Variants in MALRD1 observed in about 807,000 individuals in gnomAD.
The protein encoded by MALRD1 is MAM and LDL receptor class A domain containing 1, also known as MAM and LDL-receptor class A domain-containing protein 1.
MALRD1 carries 247 observed loss-of-function variants against 242.1 expected under a neutral mutation model. That is an observed-to-expected ratio of 1.02 (90% CI 0.92 to 1.13). MALRD1 has a LOEUF of 1.13. Among genes scored for constraint, MALRD1 ranks in the 50% most tolerant of loss-of-function variants. The probability of loss-of-function intolerance (pLI) is 0.00; values close to 1 mark genes in which losing one functional copy is unlikely to be tolerated. For missense variants in MALRD1, 2,989 were observed against 2,533.1 expected, an observed-to-expected ratio of 1.18 and a Z score of -3.86; for synonymous variants, 995 against 866.6, an observed-to-expected ratio of 1.15 and a Z score of -2.60.
intron 2 of MALRD1, among the ~76,000 whole-genome samples, chr10:19,082,577 A>C (rs548169317): frequency 6.6e-6 from 1 of 151,870 alleles, no homozygotes; most frequent in South Asian, 2.1e-4. Flanking sequence ...GGTCTTTCTC[A>C]GAGACATTGT....
intron 31 of MALRD1, among the ~76,000 whole-genome samples, chr10:19,504,923 CCA>C (rs1838139501): frequency 6.6e-6 from 1 of 151,236 alleles, no homozygotes; most frequent in Admixed American, 6.6e-5. Flanking sequence ...ACCTCATGAT[CCA>C]CCCGCCTCGG....
At chr10:19,341,524 GTATA>G (rs750457234) in intron 24 of MALRD1, among the ~76,000 whole-genome samples, 4 of 138,856 alleles carry the variant, frequency 2.9e-5, no homozygotes, top group African/African-American at 8.1e-5. Flanking sequence ...GTGTATATAT[GTATA>G]TATATACACA....
chr10:19,559,072 A>G (rs1835848605), intron 32 of MALRD1, among the ~76,000 whole-genome samples: 1 of 151,770 alleles, frequency 6.6e-6, no homozygotes, highest in Non-Finnish European at 1.5e-5. Flanking sequence ...GATCCCAGTT[A>G]CTCAGGAGGC....
chr10:19,566,236 C>G (rs1311831575), intron 32 of MALRD1, among the ~76,000 whole-genome samples: 5 of 151,456 alleles, frequency 3.3e-5, no homozygotes, highest in African/African-American at 4.8e-5. Flanking sequence ...TCACGCCATT[C>G]TTCTGCCTCA....
intron 5 of MALRD1, among the ~76,000 whole-genome samples, chr10:19,121,447 G>T (rs1349827180): frequency 6.6e-6 from 1 of 152,204 alleles, no homozygotes; most frequent in Non-Finnish European, 1.5e-5. Context: ...GAGAGAATAG[G>T]AGGGGAAAGA....
chr10:19,095,303 C>T (rs10826935), intron 4 of MALRD1, among the ~76,000 whole-genome samples: 66,043 of 151,936 alleles, frequency 0.43, 14,647 homozygotes, highest in Admixed American at 0.52. Flanking sequence ...TTGGAATTTT[C>T]AGGCTTCAAT....
At chr10:19,436,103 C>T (rs958756574) in intron 28 of MALRD1, among the ~76,000 whole-genome samples, 1 of 152,040 alleles carries the variant, frequency 6.6e-6, no homozygotes, top group African/African-American at 2.4e-5. Flanking sequence ...TGACTTCAGC[C>T]CTACAAGATG....
chr10:19,144,569 C>T (rs1588610238), intron 10 of MALRD1, among the ~76,000 whole-genome samples: 1 of 152,276 alleles, frequency 6.6e-6, no homozygotes, highest in Middle Eastern at 3.4e-3. Context: ...ATATAGTGAG[C>T]TTATTTGATA....
intron 14 of MALRD1, among the ~76,000 whole-genome samples, chr10:19,201,434 G>A (rs947009772): frequency 2.0e-5 from 3 of 152,142 alleles, no homozygotes; most frequent in Non-Finnish European, 4.4e-5. Flanking sequence ...TATTTCTATA[G>A]CAATATCTCC....
intron 29 of MALRD1, among the ~76,000 whole-genome samples, chr10:19,485,566 C>G (rs1425191009): frequency 1.3e-5 from 2 of 151,394 alleles, no homozygotes; most frequent in Non-Finnish European, 2.9e-5. Flanking sequence ...TGGCATGAAC[C>G]AAGGAGGCGG....
At chr10:19,262,716 C>A (rs1839807488) in intron 19 of MALRD1, among the ~76,000 whole-genome samples, 1 of 150,138 alleles carries the variant, frequency 6.7e-6, no homozygotes. Flanking sequence ...TGTACAATAT[C>A]TTGCTGCTGA....
chr10:19,587,889 T>C (rs1837520705), intron 33 of MALRD1, among the ~76,000 whole-genome samples: 2 of 148,258 alleles, frequency 1.3e-5, no homozygotes, highest in Non-Finnish European at 3.0e-5. Context: ...AAATGCCAGT[T>C]CCTAAATTCC....
At chr10:19,239,090 G>A (rs368157006) in intron 18 of MALRD1, among the ~76,000 whole-genome samples, 20 of 147,594 alleles carry the variant, frequency 1.4e-4, no homozygotes, top group East Asian at 4.0e-4. Context: ...AAGGAGTCTT[G>A]CTCTGTTGCC....
chr10:19,489,159 C>A, intron 29 of MALRD1: 1 of 469,444 alleles, frequency 2.1e-6, no homozygotes, highest in South Asian at 1.5e-5. Flanking sequence ...AACAGGAGGT[C>A]AGCGCTGTTG....
At chr10:19,375,085 G>T (rs932320696) in intron 26 of MALRD1, among the ~76,000 whole-genome samples, 1 of 152,032 alleles carries the variant, frequency 6.6e-6, no homozygotes, top group Non-Finnish European at 1.5e-5. Flanking sequence ...GCTTTTTATT[G>T]ACCGGAGGGA....
At chr10:19,163,765 A>G (rs1193682264) in intron 12 of MALRD1, among the ~76,000 whole-genome samples, 1 of 152,218 alleles carries the variant, frequency 6.6e-6, no homozygotes, top group East Asian at 1.9e-4. Context: ...ATTCCTTGGT[A>G]TTTAATAACT....
Position 19,324,002 on chromosome 10 carries a change from G to A in MALRD1, c.3473G>A (p.Gly1158Asp). ...GCTGACAGTTCTAATGGGAAATTTG[G>A]TGACACGGCTGACATTCTCACTCCT... ...LYADSSNGKF[G>D]DTADILTPII... The change falls in exon 22 of 40, where the codon GGT becomes GAT. Residue 1158 changes from glycine to aspartate, a missense_variant. Physicochemically the swap from Gly to Asp is moderately conservative, Grantham distance 94. Coordinates refer to ENST00000454679, the MANE Select transcript of MALRD1 (RefSeq NM_001142308.3). The A allele has an allele frequency of 6.4e-7, 1 of 1,550,818 alleles. No individual in the cohort carries two copies. Among genetic ancestry groups the A allele is most frequent in the Non-Finnish European group, 8.7e-7 (1 of 1,146,952 alleles).
intron 19 of MALRD1, among the ~76,000 whole-genome samples, chr10:19,269,750 C>T (rs1027806346): frequency 6.6e-6 from 1 of 152,168 alleles, no homozygotes; most frequent in Admixed American, 6.5e-5. Context: ...ATTGGACTTA[C>T]TTGGTTTGTA....
At chr10:19,691,663 T>G (rs1258867050) in intron 36 of MALRD1, among the ~76,000 whole-genome samples, 1 of 152,114 alleles carries the variant, frequency 6.6e-6, no homozygotes, top group Non-Finnish European at 1.5e-5. Flanking sequence ...CATTCGTAAC[T>G]TTCTCAAGAC....
Sources: gnomAD v4.1 joint callset for allele counts (sites outside exome capture counted in the v4.1 genomes callset) on GRCh38, gnomAD v4.1.1 for gene constraint, MANE v1.5 for transcripts, NCBI Gene and HGNC (gene_info 2026-07-23, HGNC 2026-07-21) for gene names.